The following ST8SIA6 variants were observed in gnomAD, a reference collection of about 807,000 sequenced individuals.
The protein encoded by ST8SIA6 is alpha-2,8-sialyltransferase 8F.
In ST8SIA6, 39 loss-of-function variants were observed where a neutral mutation model predicts 33.6. The observed-to-expected ratio is 1.16, with a 90% confidence interval of 0.90 to 1.52. The LOEUF is 1.52. Ranked by LOEUF, ST8SIA6 falls within the 40% of genes most tolerant of loss-of-function variation. ST8SIA6 has a pLI of 0.00. For synonymous variants in ST8SIA6, 172 were observed against 167.2 expected (o/e 1.03, Z -0.22); for missense variants, 441 against 443.8 (o/e 0.99, Z 0.06).
At chr10:17,360,425 T>TGAA (rs77331068) in intron 3 of ST8SIA6, among the ~76,000 whole-genome samples, 56,225 of 151,634 alleles carry the variant, frequency 0.37, 10,621 homozygotes, top group East Asian at 0.6. Context: ...CAGAACATGA[T>TGAA]GAGTACTGGG....
chr10:17,401,354 C>T (rs183005901), intron 2 of ST8SIA6, among the ~76,000 whole-genome samples: 108 of 152,276 alleles, frequency 7.1e-4, no homozygotes, highest in African/African-American at 2.2e-3. Context: ...GGCCATACTG[C>T]CCAAGGTAAT....
chr10:17,449,523 G>A (rs1395854268), intron 2 of ST8SIA6, among the ~76,000 whole-genome samples: 1 of 152,202 alleles, frequency 6.6e-6, no homozygotes, highest in Non-Finnish European at 1.5e-5. Context: ...TGCAAAAAGA[G>A]AAGATAAGGT....
chr10:17,360,054 T>C (rs1267507751), intron 3 of ST8SIA6, among the ~76,000 whole-genome samples: 1 of 152,140 alleles, frequency 6.6e-6, no homozygotes, highest in Non-Finnish European at 1.5e-5. Flanking sequence ...TTTTGAACTG[T>C]ACATTCAACA....
At chr10:17,355,449 A>T (rs17140708) in intron 4 of ST8SIA6, among the ~76,000 whole-genome samples, 32,081 of 152,084 alleles carry the variant, frequency 0.21, 3,459 homozygotes, top group African/African-American at 0.23. Flanking sequence ...ACCATCTATG[A>T]GATAGGCACT....
rs139595654 is a variant in ST8SIA6 at position 17,318,790 on chromosome 10, C to T, written c.*2088G>A. The T allele has an allele frequency of 4.2e-5, 19 of 455,534 alleles. No individual in the cohort carries two copies. Among genetic ancestry groups the T allele is most frequent in the Middle Eastern group, 6.0e-4 (1 of 1,664 alleles). 28.2% of individuals were successfully genotyped at this position (455,534 alleles called of 1,614,324 possible). On this transcript the variant is annotated 3_prime_UTR_variant, in exon 8 of 8. Coordinates refer to ENST00000377602, the MANE Select transcript of ST8SIA6 (RefSeq NM_001004470.3). ...ACAGAACAAAAAGAACTGTGACTTA[C>T]GTTTTACAGTTTACATAGCTGACAT...
At chr10:17,427,962 A>G (rs1851988395) in intron 2 of ST8SIA6, among the ~76,000 whole-genome samples, 1 of 152,232 alleles carries the variant, frequency 6.6e-6, no homozygotes, top group Admixed American at 6.5e-5. Flanking sequence ...TCTGAGTTTG[A>G]GTAGGCAAGA....
intron 2 of ST8SIA6, among the ~76,000 whole-genome samples, chr10:17,433,000 T>C (rs1228870970): frequency 6.6e-6 from 1 of 152,176 alleles, no homozygotes; most frequent in African/African-American, 2.4e-5. Flanking sequence ...ACTCTGACAA[T>C]GAGGCATCCC....
chr10:17,334,593 TAAG>T (rs987094765), intron 4 of ST8SIA6, among the ~76,000 whole-genome samples: 1 of 150,544 alleles, frequency 6.6e-6, no homozygotes, highest in African/African-American at 2.4e-5. Context: ...GAAACTAAGT[TAAG>T]AACAGTATCA....
rs145481310 is a variant in ST8SIA6, at chr10:17,452,313, G to A, written c.200+1246C>T. On this transcript the variant is annotated intron_variant, in intron 2 of 7. Transcript: ENST00000377602. ...ACTTCCAGACCCTTCTTAGAGCCGT[G>A]CTAGAGCTTCCTGGAGTTACACCAT... Among the ~76,000 whole-genome samples, 58 of 152,276 alleles carry A rather than the reference G, an allele frequency of 3.8e-4. 1 individual carries two copies. Among genetic ancestry groups the A allele is most frequent in the Admixed American group, 2.9e-3 (44 of 15,298 alleles).
chr10:17,323,284 T>C, intron 6 of ST8SIA6, 127 bp from the exon 7 acceptor site: 1 of 515,738 alleles, frequency 1.9e-6, no homozygotes, highest in Non-Finnish European at 3.3e-6. Flanking sequence ...GTTGGAGAAA[T>C]CATTGCTATT....
At chr10:17,371,164 C>T (rs1441764700) in intron 3 of ST8SIA6, among the ~76,000 whole-genome samples, 1 of 152,092 alleles carries the variant, frequency 6.6e-6, no homozygotes, top group Non-Finnish European at 1.5e-5. Flanking sequence ...AAGGAACTGA[C>T]AGGATAGACA....
chr10:17,342,705 C>T (rs359314), intron 4 of ST8SIA6, among the ~76,000 whole-genome samples: 79,233 of 151,988 alleles, frequency 0.52, 20,925 homozygotes, highest in African/African-American at 0.6. Context: ...AATCCCAGCA[C>T]TTTAGGAGGC....
intron 4 of ST8SIA6, among the ~76,000 whole-genome samples, chr10:17,336,633 A>G (rs1452605942): frequency 7.0e-6 from 1 of 141,932 alleles, no homozygotes; most frequent in Non-Finnish European, 1.5e-5. Flanking sequence ...TCACTACCTC[A>G]CCCAGGCTGA....
chr10:17,339,988 G>T (rs1321206986), intron 4 of ST8SIA6, among the ~76,000 whole-genome samples: 1 of 152,170 alleles, frequency 6.6e-6, no homozygotes, highest in Non-Finnish European at 1.5e-5. Context: ...AAAAGGTTTA[G>T]AAAGATGACT....
In ST8SIA6 at chr10:17,323,097, A is replaced by G. The variant is rs377114780; in HGVS notation, c.696T>C (p.Leu232=). The G allele has an allele frequency of 7.4e-6, 12 of 1,613,674 alleles. No homozygotes were observed. The highest frequency in any genetic ancestry group is 1.7e-5 in the Admixed American group (1 of 59,958). ...TTATGATGCTTGGATTTATAGTCAC[A>G]AGATTTGTTTTACTGCCAACATCTT... ...VSKDVGSKTN[L]VTINPSIITL... Residue 232 remains leucine (L), a synonymous_variant, in exon 7 of 8, where the codon CTT becomes CTC. Coordinates refer to ENST00000377602, the MANE Select transcript of ST8SIA6 (RefSeq NM_001004470.3).
chr10:17,415,835 A>C (rs1384758301), intron 2 of ST8SIA6, among the ~76,000 whole-genome samples: 2 of 139,090 alleles, frequency 1.4e-5, no homozygotes, highest in Non-Finnish European at 1.5e-5. Context: ...TTTGAGACAG[A>C]ATCCTGCTCT....
intron 7 of ST8SIA6, among the ~76,000 whole-genome samples, chr10:17,321,551 T>C (rs934009375): frequency 6.6e-6 from 1 of 152,328 alleles, no homozygotes; most frequent in African/African-American, 2.4e-5. Flanking sequence ...TCTCTCTTTC[T>C]TGGAATCCTT....
At chr10:17,383,069 T>C (rs1459721676) in intron 3 of ST8SIA6, among the ~76,000 whole-genome samples, 4 of 152,222 alleles carry the variant, frequency 2.6e-5, no homozygotes, top group Non-Finnish European at 5.9e-5. Flanking sequence ...GCTGTTTTTA[T>C]TAGGGCTTCT....
intron 1 of ST8SIA6, 78 bp from the exon 2 acceptor site, chr10:17,453,735 T>C (rs978689676): frequency 2.7e-6 from 3 of 1,122,628 alleles, no homozygotes; most frequent in South Asian, 4.5e-5. Flanking sequence ...GTCGCGCTCC[T>C]TGCCTGGCAG....
Sources: allele counts gnomAD v4.1 joint callset (sites outside exome capture counted in the v4.1 genomes callset), GRCh38; gene constraint gnomAD v4.1.1; transcripts MANE v1.5; gene names NCBI Gene and HGNC (gene_info 2026-07-23, HGNC 2026-07-21).